The following WWOX variants were observed in gnomAD, a reference collection of about 807,000 sequenced individuals.
WWOX encodes WW domain containing oxidoreductase.
WWOX carries 69 observed loss-of-function variants against 46.2 expected under a neutral mutation model. That is an observed-to-expected ratio of 1.49 (90% CI 1.23 to 1.82). WWOX has a LOEUF of 1.82. Ranked by LOEUF, WWOX falls within the 40% of genes most tolerant of loss-of-function variation. The pLI is 0.00. For synonymous variants in WWOX, 359 were observed against 202.6 expected, an observed-to-expected ratio of 1.77 and a Z score of -6.56; for missense variants, 919 against 542.6, an observed-to-expected ratio of 1.69 and a Z score of -6.89.
intron 8 of WWOX, among the ~76,000 whole-genome samples, chr16:79,058,117 AAAAC>A (rs1310052366): frequency 1.6e-4 from 14 of 88,436 alleles, no homozygotes; most frequent in Admixed American, 7.8e-4. Flanking sequence ...AAAAAAAAAA[AAAAC>A]AAACAAACAA....
At chr16:78,881,498 A>G (rs1019878550) in intron 8 of WWOX, among the ~76,000 whole-genome samples, 1 of 152,216 alleles carries the variant, frequency 6.6e-6, no homozygotes, top group African/African-American at 2.4e-5. Context: ...TAAATATTCA[A>G]CAAACAATTT....
At chr16:78,933,209 C>T (rs546599047) in intron 8 of WWOX, among the ~76,000 whole-genome samples, 23 of 152,174 alleles carry the variant, frequency 1.5e-4, no homozygotes, top group South Asian at 4.1e-4. Context: ...CAGGCCAAGG[C>T]GGGTGGATCA....
chr16:78,796,240 C>G (rs113143302), intron 8 of WWOX, among the ~76,000 whole-genome samples: 6 of 152,340 alleles, frequency 3.9e-5, no homozygotes, highest in Admixed American at 2.0e-4. Flanking sequence ...CATTCAGCAA[C>G]TGGCCTCCCA....
At chr16:78,777,185 G>A (rs2050212670) in intron 8 of WWOX, among the ~76,000 whole-genome samples, 1 of 151,924 alleles carries the variant, frequency 6.6e-6, no homozygotes, top group Admixed American at 6.6e-5. Flanking sequence ...TATTTCAATG[G>A]CTGTATTTCA....
chr16:79,032,417 A>T (rs7195145), intron 8 of WWOX, among the ~76,000 whole-genome samples: 1 of 147,260 alleles, frequency 6.8e-6, no homozygotes, highest in South Asian at 2.1e-4. Flanking sequence ...AATATGTTAC[A>T]TATTATGTTG....
At chr16:78,231,081 A>G (rs1159553108) in intron 5 of WWOX, among the ~76,000 whole-genome samples, 3 of 152,188 alleles carry the variant, frequency 2.0e-5, no homozygotes, top group Admixed American at 6.5e-5. Context: ...GACAACATTT[A>G]TGATTCTGGC....
chr16:78,836,131 C>T (rs1385606878), intron 8 of WWOX, among the ~76,000 whole-genome samples: 1 of 152,036 alleles, frequency 6.6e-6, no homozygotes, highest in Admixed American at 6.5e-5. Flanking sequence ...ATATATACCG[C>T]CTGGCCTCTT....
At chr16:78,681,569 G>A (rs901139938) in intron 8 of WWOX, among the ~76,000 whole-genome samples, 2 of 151,826 alleles carry the variant, frequency 1.3e-5, no homozygotes, top group African/African-American at 2.4e-5. Context: ...AGGAAAAAGG[G>A]AAGAAGCAAA....
chr16:78,699,696 T>C (rs553231764), intron 8 of WWOX, among the ~76,000 whole-genome samples: 4 of 152,378 alleles, frequency 2.6e-5, no homozygotes, highest in South Asian at 2.1e-4. Context: ...CCCGCTGATA[T>C]CTACAGCCTC....
chr16:78,622,414 C>T lies in WWOX; in HGVS notation c.1056+189662C>T, dbSNP rs559821609. Among the ~76,000 whole-genome samples, 12 of 152,172 alleles carry T rather than the reference C, an allele frequency of 7.9e-5. No homozygotes were observed. In the South Asian group the frequency reaches 2.3e-3, roughly 29 times the overall value. ...AAAATTAGTCAGGCGTGGTAGTGTA[C>T]ACCCATAATCCCAGGTACACAGGAG... On this transcript the variant is annotated intron_variant, in intron 8 of 8. Coordinates refer to ENST00000566780, the MANE Select transcript of WWOX (RefSeq NM_016373.4).
chr16:78,948,640 A>G lies in WWOX; in HGVS notation c.1057-262968A>G, dbSNP rs539977475. On this transcript the variant is annotated intron_variant, in intron 8 of 8. Coordinates refer to ENST00000566780, the MANE Select transcript of WWOX (RefSeq NM_016373.4). ...GAAGAGCATAAACTTGGGGGTTCCCACTCGAAAAGAGGTTCCAGCAGTTCC... is the reference window on the plus strand; with the variant it reads ...GAAGAGCATAAACTTGGGGGTTCCCGCTCGAAAAGAGGTTCCAGCAGTTCC... 1.4e-4 allele frequency among the ~76,000 whole-genome samples: 22 copies of G among 152,024 alleles called. 1 individual carries two copies. Among genetic ancestry groups the G allele is most frequent in the Admixed American group, 4.6e-4 (7 of 15,272 alleles).
At chr16:79,151,525 T>C (rs543763287) in intron 8 of WWOX, among the ~76,000 whole-genome samples, 11 of 152,322 alleles carry the variant, frequency 7.2e-5, no homozygotes, top group African/African-American at 2.6e-4. Flanking sequence ...AGTGTTCAGG[T>C]TGAAGACAAA....
intron 8 of WWOX, among the ~76,000 whole-genome samples, chr16:78,696,040 G>A (rs771251814): frequency 4.6e-5 from 7 of 152,178 alleles, no homozygotes; most frequent in Non-Finnish European, 8.8e-5. Context: ...GTAGGCTGCA[G>A]TCTGTGTTAA....
intron 8 of WWOX, among the ~76,000 whole-genome samples, chr16:78,705,758 G>C (rs1404936050): frequency 6.6e-6 from 1 of 152,110 alleles, no homozygotes; most frequent in Non-Finnish European, 1.5e-5. Context: ...TACCATCAGA[G>C]CACATACTGC....
At chr16:78,485,018 C>G (rs977692748) in intron 8 of WWOX, among the ~76,000 whole-genome samples, 1 of 151,996 alleles carries the variant, frequency 6.6e-6, no homozygotes, top group South Asian at 2.1e-4. Flanking sequence ...AGATGAGGTT[C>G]CCTTAGAACC....
chr16:78,361,971 C>CT (rs56026502), intron 5 of WWOX, among the ~76,000 whole-genome samples: 11,056 of 138,516 alleles, frequency 0.08, 796 homozygotes, highest in East Asian at 0.35. Context: ...CAGGTATTTC[C>CT]TTTTTTTTTT....
chr16:78,261,584 A>G (rs2059562786), intron 5 of WWOX, among the ~76,000 whole-genome samples: 1 of 150,262 alleles, frequency 6.7e-6, no homozygotes, highest in African/African-American at 2.5e-5. Flanking sequence ...ACCTGCAAGC[A>G]TTTGTCCTTT....
chr16:79,171,605 A>G (rs117896168), intron 8 of WWOX, among the ~76,000 whole-genome samples: 2 of 152,160 alleles, frequency 1.3e-5, no homozygotes, highest in Non-Finnish European at 2.9e-5. Flanking sequence ...AATGCTCTTC[A>G]AGAGTATCTC....
rs565746575 is a variant in WWOX, at chr16:78,947,754, C to G, written c.1057-263854C>G. 3.9e-5 allele frequency among the ~76,000 whole-genome samples: 6 copies of G among 152,268 alleles called. No homozygotes were observed. The East Asian group carries it at 1.2e-3, about 29-fold the overall frequency. On this transcript the variant is annotated intron_variant, in intron 8 of 8. Coordinates refer to ENST00000566780, the MANE Select transcript of WWOX (RefSeq NM_016373.4). ...GTGCCACCTAGATGCTATTTATAAC[C>G]ATTTTCACCTCTTGCCTCCAGGGGC... is the stretch of plus-strand genomic sequence containing the variant.
Sources: allele counts gnomAD v4.1 joint callset (sites outside exome capture counted in the v4.1 genomes callset), GRCh38; gene constraint gnomAD v4.1.1; transcripts MANE v1.5; gene names NCBI Gene and HGNC (gene_info 2026-07-23, HGNC 2026-07-21).